The following CSMD1 variants were observed in gnomAD, a reference collection of about 807,000 sequenced individuals.
CSMD1 encodes the protein CUB and sushi domain-containing protein 1.
Under a neutral mutation model 417.5 loss-of-function variants are expected in CSMD1, and 213 were observed. The observed-to-expected ratio is 0.51, with a 90% CI of 0.46 to 0.57. CSMD1 has a LOEUF of 0.57. Among genes scored for constraint, CSMD1 ranks in the 20% least tolerant of loss-of-function variants. The pLI is 0.00. For synonymous variants in CSMD1, 2,862 were observed against 1,736.8 expected (o/e 1.65, Z -16.11); for missense variants, 6,923 against 4,529.7 (o/e 1.53, Z -15.17).
At chr8:3,795,007 A>ATATATATCTATCATATATAGCTATAG (rs1563086783) in intron 5 of CSMD1, among the ~76,000 whole-genome samples, 13,852 of 102,818 alleles carry the variant, frequency 0.13, 6,091 homozygotes, top group Non-Finnish European at 0.18. Context: ...TATAGCTATA[A>ATATATATCTATCATATATAGCTATAG]ATACATATCT....
At chr8:3,921,029 G>A (rs779055742) in intron 5 of CSMD1, among the ~76,000 whole-genome samples, 1 of 152,130 alleles carries the variant, frequency 6.6e-6, no homozygotes, top group Non-Finnish European at 1.5e-5. Flanking sequence ...TTCCGAAAGA[G>A]TTTGAAAAGC....
rs561076265 is a variant in CSMD1, at chr8:3,280,766, G to A, written c.4153+3378C>T. On this transcript the variant is annotated intron_variant, in intron 26 of 69. Transcript: ENST00000635120. ...GTAGAAACTTTCATGGTGTCTTCAT[G>A]CTTATTTCTTACTAAACACTAATAA... Among the ~76,000 whole-genome samples, 17 of 127,646 alleles carry A rather than the reference G, an allele frequency of 1.3e-4. No individual in the cohort carries two copies. The East Asian group carries it at 3.9e-3, about 29-fold the overall frequency. The allele number at this position is 127,646 out of a possible 152,430, so 83.7% of individuals were successfully genotyped here.
At chr8:3,977,824 G>C (rs1364267874) in intron 5 of CSMD1, among the ~76,000 whole-genome samples, 1 of 152,234 alleles carries the variant, frequency 6.6e-6, no homozygotes, top group South Asian at 2.1e-4. Context: ...TGATTCTGTA[G>C]GTTTTCAGCA....
intron 21 of CSMD1, among the ~76,000 whole-genome samples, chr8:3,350,778 A>G (rs902534391): frequency 5.3e-5 from 8 of 152,194 alleles, no homozygotes; most frequent in Non-Finnish European, 1.2e-4. Flanking sequence ...ATTTGTATCC[A>G]TGTGAAGAAA....
intron 5 of CSMD1, among the ~76,000 whole-genome samples, chr8:3,905,214 T>G (rs1008481255): frequency 6.6e-6 from 1 of 152,222 alleles, no homozygotes; most frequent in Admixed American, 6.5e-5. Flanking sequence ...ATATTTTTTC[T>G]GCATAATATA....
At chr8:4,157,619 G>A (rs895631517) in intron 3 of CSMD1, among the ~76,000 whole-genome samples, 1 of 152,188 alleles carries the variant, frequency 6.6e-6, no homozygotes, top group Admixed American at 6.5e-5. Flanking sequence ...CTTTCACGCA[G>A]AGTTGATTTT....
At chr8:4,016,033 A>G (rs1796507314) in intron 4 of CSMD1, among the ~76,000 whole-genome samples, 1 of 152,210 alleles carries the variant, frequency 6.6e-6, no homozygotes, top group Admixed American at 6.5e-5. Flanking sequence ...CTTGGACATG[A>G]CATCTAAGCT....
intron 17 of CSMD1, among the ~76,000 whole-genome samples, chr8:3,394,874 T>C (rs747502192): frequency 1.3e-5 from 2 of 152,234 alleles, no homozygotes; most frequent in African/African-American, 4.8e-5. Flanking sequence ...TGAATTAAAT[T>C]TGAAATTTGT....
intron 26 of CSMD1, among the ~76,000 whole-genome samples, chr8:3,241,343 A>G (rs1330665097): frequency 6.6e-6 from 1 of 151,834 alleles, no homozygotes; most frequent in Non-Finnish European, 1.5e-5. Context: ...GGTCCTTGAA[A>G]AGAAGGTAAT....
At chr8:3,670,024 G>A (rs1009923502) in intron 7 of CSMD1, among the ~76,000 whole-genome samples, 1 of 152,124 alleles carries the variant, frequency 6.6e-6, no homozygotes, top group African/African-American at 2.4e-5. Context: ...TTATGTAAAA[G>A]GCAGTGAAAT....
chr8:4,698,962 C>T (rs1230064928), intron 1 of CSMD1, among the ~76,000 whole-genome samples: 2 of 151,594 alleles, frequency 1.3e-5, no homozygotes, highest in Non-Finnish European at 2.9e-5. Context: ...GTCGAACGAA[C>T]ACGTCAGGAT....
At chr8:4,617,925 A>C (rs1801568113) in intron 2 of CSMD1, among the ~76,000 whole-genome samples, 1 of 152,168 alleles carries the variant, frequency 6.6e-6, no homozygotes, top group Admixed American at 6.6e-5. Flanking sequence ...ATGCAATAAC[A>C]CTTGTTAATT....
chr8:4,669,554 T>G (rs905016869), intron 1 of CSMD1, among the ~76,000 whole-genome samples: 1 of 152,200 alleles, frequency 6.6e-6, no homozygotes, highest in African/African-American at 2.4e-5. Context: ...TTTTCAGAGA[T>G]TTTTTTACCC....
intron 3 of CSMD1, among the ~76,000 whole-genome samples, chr8:4,107,727 G>A (rs1324251085): frequency 6.6e-6 from 1 of 152,128 alleles, no homozygotes; most frequent in African/African-American, 2.4e-5. Context: ...CAGATGCTGT[G>A]ATTAAAGGGA....
intron 1 of CSMD1, among the ~76,000 whole-genome samples, chr8:4,812,085 A>C (rs1798940441): frequency 6.6e-6 from 1 of 152,296 alleles, no homozygotes; most frequent in South Asian, 2.1e-4. Flanking sequence ...CATCATCGAA[A>C]ATTCCTACGC....
chr8:3,710,691 G>T (rs1235267351), intron 6 of CSMD1, among the ~76,000 whole-genome samples: 1 of 152,084 alleles, frequency 6.6e-6, no homozygotes, highest in African/African-American at 2.4e-5. Flanking sequence ...TAGCCTCTTT[G>T]CAGCGACACT....
chr8:4,793,487 C>T (rs778510619), intron 1 of CSMD1, among the ~76,000 whole-genome samples: 11 of 152,008 alleles, frequency 7.2e-5, no homozygotes, highest in South Asian at 2.1e-4. Flanking sequence ...CCATCTCCCA[C>T]GCCATCTCCC....
intron 2 of CSMD1, among the ~76,000 whole-genome samples, chr8:4,452,182 C>T (rs1431178796): frequency 6.6e-6 from 1 of 152,078 alleles, no homozygotes; most frequent in Non-Finnish European, 1.5e-5. Context: ...CTTCTCTTCG[C>T]TTAGTGCACG....
intron 15 of CSMD1, among the ~76,000 whole-genome samples, chr8:3,401,305 T>G (rs1812025472): frequency 1.3e-5 from 2 of 152,112 alleles, no homozygotes; most frequent in Admixed American, 1.3e-4. Context: ...AACCAAAAGT[T>G]TCCTTTACTT....
Sources: allele counts gnomAD v4.1 joint callset (sites outside exome capture counted in the v4.1 genomes callset), GRCh38; gene constraint gnomAD v4.1.1; transcripts MANE v1.5; gene names NCBI Gene and HGNC (gene_info 2026-07-23, HGNC 2026-07-21).